NOTCH3: variants seen among roughly 807,000 people sequenced by gnomAD.
The protein encoded by NOTCH3 is neurogenic locus notch homolog protein 3.
In NOTCH3, 86 loss-of-function variants were observed where a neutral mutation model predicts 213.3. The ratio of observed to expected loss-of-function variants is 0.40; its 90% confidence interval spans 0.34 to 0.48. The LOEUF (loss-of-function observed/expected upper bound fraction) is 0.48. Ranked by LOEUF, NOTCH3 falls within the 20% of genes least tolerant of loss-of-function variation. NOTCH3 has a pLI of 0.57. For missense variants in NOTCH3, 2,783 were observed against 3,272.6 expected (o/e 0.85, Z 3.65); for synonymous variants, 1,354 against 1,355.9 (o/e 1.00, Z 0.03).
chr19:15,173,054 C>CTCTTCTTCTTCTTCTTCT (rs1219069116), intron 25 of NOTCH3, among the ~76,000 whole-genome samples: 1 of 5,532 alleles, frequency 1.8e-4, no homozygotes, highest in African/African-American at 1.9e-3. Context: ...TCCCTCCTCC[C>CTCTTCTTCTTCTTCTTCT]TCTTCTTCTT....
intron 2 of NOTCH3, 59 bp downstream of exon 2, chr19:15,197,441 G>GGGGCGGC: frequency 1.3e-6 from 1 of 768,362 alleles, no homozygotes; most frequent in Non-Finnish European, 2.3e-6. Context: ...AAGACAAATC[G>GGGGCGGC]CCCCTCCCCC....
Position 15,197,566 on chromosome 19 carries a change from A to C in NOTCH3, c.131T>G (p.Leu44Arg). Reference sequence around the variant, plus strand: ...TCCATTTGCACACGGGCTTCCGTCCAGGCAAGGGGGGGCTGTGTGGGGGTG... The same window carrying C: ...TCCATTTGCACACGGGCTTCCGTCCCGGCAAGGGGGGGCTGTGTGGGGGTG... The part of the protein sequence containing the change: ...AGPGAAAPPC[L>R]DGSPCANGGR... The change falls in exon 2 of 33, where the codon CTG becomes CGG. Residue 44 changes from leucine (L) to arginine (R), a missense_variant. Leu to Arg is a moderately radical substitution (Grantham distance 102, BLOSUM62 -2). Around this residue, in one of 6 missense-constraint regions of NOTCH3, gnomAD observed 708 missense variants for 906.6 expected, o/e 0.78. Coordinates refer to ENST00000263388, the MANE Select transcript of NOTCH3 (RefSeq NM_000435.3). The C allele has an allele frequency of 6.2e-7, 1 of 1,611,168 alleles. No homozygotes were observed. Among genetic ancestry groups the C allele is most frequent in the Non-Finnish European group, 8.5e-7 (1 of 1,179,642 alleles).
At chr19:15,173,794 A>G (rs1345028816) in intron 25 of NOTCH3, among the ~76,000 whole-genome samples, 10 of 145,136 alleles carry the variant, frequency 6.9e-5, no homozygotes, top group Admixed American at 2.8e-4. Context: ...GAGAAGAAGA[A>G]GAAGAAGAAG....
intron 24 of NOTCH3, among the ~76,000 whole-genome samples, chr19:15,175,617 ACG>A (rs1416609491): frequency 1.1e-4 from 16 of 146,286 alleles, no homozygotes; most frequent in African/African-American, 3.3e-4. Context: ...ACACACACGC[ACG>A]CACACACATA....
chr19:15,189,517 T>C (rs1206397167), intron 6 of NOTCH3, 89 bp from the exon 7 acceptor site: 3 of 1,497,036 alleles, frequency 2.0e-6, no homozygotes, highest in African/African-American at 1.4e-5. Flanking sequence ...GTCGTTGTTG[T>C]TGTTTTGTTT....
chr19:15,173,958 C>T, intron 25 of NOTCH3, 110 bp downstream of exon 25: 1 of 958,688 alleles, frequency 1.0e-6, no homozygotes, highest in Middle Eastern at 3.4e-4. Flanking sequence ...GGCGGTGCTC[C>T]TGACATCTGG....
At position 15,192,167 on chromosome 19, in the gene NOTCH3, C is replaced by T. The variant is rs544773641; in HGVS notation, c.472G>A (p.Asp158Asn). The change falls in exon 4 of 33, where the codon GAC becomes AAC. Residue 158 changes from aspartate (D) to asparagine (N), a missense_variant. Physicochemically the swap from Asp to Asn is conservative, Grantham distance 23. Transcript: ENST00000263388. ...TCACCCACCCGGCACTCATCCACGT[C>T]GCTTCGGCAGCTGCGGCCCTGGTAG... ...PGYQGRSCRS[D>N]VDECRVGEPC... is the part of the protein sequence containing the mutation. The T allele has an allele frequency of 2.2e-5, 35 of 1,612,708 alleles. No individual in the cohort carries two copies. Among genetic ancestry groups the T allele is most frequent in the East Asian group, 1.8e-4 (8 of 44,854 alleles).
chr19:15,184,422 C>G lies in NOTCH3; in HGVS notation c.2439G>C (p.Glu813Asp). Residue 813 changes from glutamate to aspartate, a missense_variant, in exon 16 of 33, where the codon GAG becomes GAC. Transcript: ENST00000263388. The part of the protein sequence containing the change: ...QGPRCQQDVD[E>D]CAGPAPCGPH... Reference sequence around the variant, plus strand: ...GGCCACAGGGTGCGGGGCCAGCACACTCGTCCACATCCTGCTGGCATCGTG... The same window carrying G: ...GGCCACAGGGTGCGGGGCCAGCACAGTCGTCCACATCCTGCTGGCATCGTG... The G allele has an allele frequency of 6.2e-7, 1 of 1,613,874 alleles. No homozygotes were observed. The highest frequency in any genetic ancestry group is 8.5e-7 in the Non-Finnish European group (1 of 1,179,890).
At position 15,189,008 on chromosome 19, in the gene NOTCH3, G is replaced by T; in HGVS notation, c.1359C>A (p.Phe453Leu). 1.2e-6 allele frequency: 2 copies of T among 1,611,376 alleles called. No individual in the cohort carries two copies. The highest frequency in any genetic ancestry group is 1.7e-6 in the Non-Finnish European group (2 of 1,179,212). The change falls in exon 8 of 33, where the codon TTC becomes TTA. Residue 453 changes from phenylalanine to leucine, a missense_variant. Coordinates refer to ENST00000263388, the MANE Select transcript of NOTCH3 (RefSeq NM_000435.3). Reference sequence around the variant, plus strand: ...ACCCACCTGCCATACAGATACAGGTGAACTGGCCTATGCGGTCGAGGCACG... The same window carrying T: ...ACCCACCTGCCATACAGATACAGGTTAACTGGCCTATGCGGTCGAGGCACG... ...QATCLDRIGQFTCICMAGFTG... is the reference protein window; with the variant it reads ...QATCLDRIGQLTCICMAGFTG...
In NOTCH3 at chr19:15,161,529, G is replaced by A. The variant is rs750397726; in HGVS notation, c.6099C>T (p.Pro2033=). The A allele has an allele frequency of 2.5e-6, 4 of 1,602,108 alleles. No homozygotes were observed. The highest frequency in any genetic ancestry group is 3.4e-6 in the Non-Finnish European group (4 of 1,174,650). The change falls in exon 33 of 33, where the codon CCC becomes CCT. Residue 2033 remains proline, a synonymous_variant. Coordinates refer to ENST00000263388, the MANE Select transcript of NOTCH3 (RefSeq NM_000435.3). Reference sequence around the variant, plus strand: ...GAGGCCCCAGGCCGTGGGGACCGGGGGGGCTGCGGGGCCCACTGGGTTGAT... The same window carrying A: ...GAGGCCCCAGGCCGTGGGGACCGGGAGGGCTGCGGGGCCCACTGGGTTGAT... ...LLDQPSGPRS[P]PGPHGLGPLL...
At chr19:15,191,682 C>T (rs2145440326) in intron 5 of NOTCH3, 25 bp from the exon 6 acceptor site, 4 of 1,613,426 alleles carry the variant, frequency 2.5e-6, no homozygotes, top group South Asian at 1.1e-5. Flanking sequence ...TGCAGCAGTC[C>T]AGCCACCTGG....
intron 8 of NOTCH3, 87 bp from the exon 9 acceptor site, chr19:15,188,435 C>A: frequency 1.2e-6 from 1 of 847,754 alleles, no homozygotes; most frequent in South Asian, 1.4e-5. Context: ...CCTTCCTACT[C>A]ATCGACAAAT....
intron 23 of NOTCH3, chr19:15,178,477 C>G: frequency 2.2e-6 from 1 of 444,860 alleles, no homozygotes; most frequent in Non-Finnish European, 4.2e-6. Flanking sequence ...CTCCGCCTCC[C>G]GGGTTCAAGT....
intron 27 of NOTCH3, 23 bp from the exon 28 acceptor site, chr19:15,170,193 G>T: frequency 6.4e-7 from 1 of 1,565,176 alleles, no homozygotes; most frequent in Non-Finnish European, 8.8e-7. Context: ...GGGAAGAGGG[G>T]ATGTGAGGGG....
intron 16 of NOTCH3, 130 bp downstream of exon 16, chr19:15,184,165 T>G (rs1485766060): frequency 4.1e-6 from 4 of 965,658 alleles, no homozygotes; most frequent in African/African-American, 1.6e-5. Context: ...GGCCTCAGTT[T>G]CCATATAAAT....
chr19:15,162,476 G>T lies in NOTCH3; in HGVS notation c.5902C>A (p.Gln1968Lys). Residue 1968 changes from glutamine to lysine, a missense_variant, in exon 32 of 33, where the codon CAG (glutamine) becomes AAG (lysine). By Grantham distance (53) the Gln-to-Lys change is moderately conservative. Coordinates refer to ENST00000263388, the MANE Select transcript of NOTCH3 (RefSeq NM_000435.3). ...GGGCTGGGGCTCACCTTGCTATCCT[G>T]CATGTCCTTATTGGCTCCATTTTTG... ...LLKNGANKDM[Q>K]DSKEETPLFL... 1 of 1,613,070 alleles carries T rather than the reference G, an allele frequency of 6.2e-7. No individual in the cohort carries two copies. The highest frequency in any genetic ancestry group is 8.5e-7 in the Non-Finnish European group (1 of 1,179,586).
At chr19:15,194,941 G>A (rs957071079) in intron 2 of NOTCH3, among the ~76,000 whole-genome samples, 5 of 130,434 alleles carry the variant, frequency 3.8e-5, no homozygotes, top group Non-Finnish European at 7.8e-5. Flanking sequence ...TGGGCAACAA[G>A]AGCGATACTC....
At chr19:15,191,714 C>A (rs1430365609) in intron 5 of NOTCH3, 31 bp downstream of exon 5, 1 of 1,613,600 alleles carries the variant, frequency 6.2e-7, no homozygotes, top group East Asian at 2.2e-5. Context: ...CCGAGGCCTG[C>A]CTCCCCGCTC....
Position 15,189,327 on chromosome 19 carries a change from G to C in NOTCH3, c.1138C>G (p.Pro380Ala). Residue 380 changes from proline (P) to alanine (A), a missense_variant, in exon 7 of 33, where the codon CCT becomes GCT. Pro to Ala is a conservative substitution (Grantham distance 27). Coordinates refer to ENST00000263388, the MANE Select transcript of NOTCH3 (RefSeq NM_000435.3). The stretch of plus-strand genomic sequence containing the variant: ...CATGCCCCACCCGTGAAGCCGGGAG[G>C]ACAGGTGCAAATGGCCCGGCCGTTC... The part of the protein sequence containing the change: ...PVNGRAICTC[P>A]PGFTGGACDQ... The C allele has an allele frequency of 6.2e-7, 1 of 1,614,090 alleles. No homozygotes were observed. Among genetic ancestry groups the C allele is most frequent in the Non-Finnish European group, 8.5e-7 (1 of 1,180,044 alleles).
Sources: allele counts gnomAD v4.1 joint callset (sites outside exome capture counted in the v4.1 genomes callset), GRCh38; gene constraint gnomAD v4.1.1; regional missense constraint gnomAD v4.1.1; transcripts MANE v1.5; gene names NCBI Gene and HGNC (gene_info 2026-07-23, HGNC 2026-07-21).